Variants in HDAC9 observed in about 807,000 individuals in gnomAD.
The protein encoded by HDAC9 is MEF-2 interacting transcription repressor (MITR) protein.
In HDAC9, 41 loss-of-function variants were observed where a neutral mutation model predicts 139.4. The ratio of observed to expected loss-of-function variants is 0.29; its 90% CI spans 0.23 to 0.38. The LOEUF (loss-of-function observed/expected upper bound fraction) is 0.38, where lower values mean the gene tolerates loss of function less well. HDAC9 is among the 10% of genes least tolerant of loss of function. HDAC9 has a pLI of 1.00. For synonymous variants in HDAC9, 517 were observed against 476.2 expected, an observed-to-expected ratio of 1.09 and a Z score of -1.12; for missense variants, 1,147 against 1,297.0, an observed-to-expected ratio of 0.88 and a Z score of 1.78.
intron 1 of HDAC9, among the ~76,000 whole-genome samples, chr7:18,118,290 G>A (rs549259811): frequency 3.3e-5 from 5 of 152,278 alleles, no homozygotes; most frequent in Admixed American, 1.3e-4. Flanking sequence ...AATATTGTCA[G>A]TCCTTATGGT....
At chr7:18,537,753 C>T (rs1022805679) in intron 2 of HDAC9, among the ~76,000 whole-genome samples, 9 of 152,108 alleles carry the variant, frequency 5.9e-5, no homozygotes, top group Admixed American at 2.6e-4. Flanking sequence ...AAAAGTTATG[C>T]GGGAGAATAG....
chr7:18,864,605 C>T (rs1480780939), intron 21 of HDAC9, among the ~76,000 whole-genome samples: 1 of 129,948 alleles, frequency 7.7e-6, no homozygotes, highest in African/African-American at 3.1e-5. Context: ...AGGATTCTTA[C>T]CACAATTAAA....
chr7:18,855,873 T>G (rs1797637734), intron 21 of HDAC9, among the ~76,000 whole-genome samples: 1 of 152,114 alleles, frequency 6.6e-6, no homozygotes, highest in Non-Finnish European at 1.5e-5. Context: ...CTTCTTTTAC[T>G]TCTGTGCACC....
chr7:18,642,755 A>C (rs987052108), intron 8 of HDAC9, among the ~76,000 whole-genome samples: 2 of 152,080 alleles, frequency 1.3e-5, no homozygotes, highest in African/African-American at 2.4e-5. Context: ...TGCTGCCATT[A>C]TTACGTCTGA....
At chr7:18,255,610 C>CTT (rs2128202435) in intron 2 of HDAC9, among the ~76,000 whole-genome samples, 1 of 135,254 alleles carries the variant, frequency 7.4e-6, no homozygotes, top group East Asian at 2.2e-4. Flanking sequence ...GATGAGTTTT[C>CTT]TTTTCTTTTT....
intron 2 of HDAC9, among the ~76,000 whole-genome samples, chr7:18,279,880 G>T: frequency 6.6e-6 from 1 of 152,078 alleles, no homozygotes; most frequent in East Asian, 1.9e-4. Flanking sequence ...CTTTATTAAG[G>T]AATTATGATG....
chr7:18,239,089 T>A (rs749388414), intron 2 of HDAC9, among the ~76,000 whole-genome samples: 92 of 152,326 alleles, frequency 6.0e-4, no homozygotes, highest in Non-Finnish European at 1.1e-3. Flanking sequence ...GTCTAGTTTG[T>A]CACTATACTT....
At chr7:18,495,315 C>T (rs967277154), upstream of HDAC9, among the ~76,000 whole-genome samples, 2 of 152,072 alleles carry the variant, frequency 1.3e-5, no homozygotes, top group African/African-American at 4.8e-5. Flanking sequence ...CAATACAGAG[C>T]TCTGTACTTC....
chr7:18,575,149 C>A (rs568845498), intron 2 of HDAC9, among the ~76,000 whole-genome samples: 1 of 152,118 alleles, frequency 6.6e-6, no homozygotes, highest in Non-Finnish European at 1.5e-5. Flanking sequence ...TTTACTTTTC[C>A]TGAAAAAAGT....
At chr7:18,649,613 ATGT>A (rs1788612830) in intron 11 of HDAC9, among the ~76,000 whole-genome samples, 1 of 152,280 alleles carries the variant, frequency 6.6e-6, no homozygotes, top group Non-Finnish European at 1.5e-5. Context: ...TTGTACTATG[ATGT>A]AAGAAACAAA....
At chr7:18,972,984 A>T (rs991501064) in intron 24 of HDAC9, among the ~76,000 whole-genome samples, 2 of 152,136 alleles carry the variant, frequency 1.3e-5, no homozygotes, top group Non-Finnish European at 2.9e-5. Flanking sequence ...TTTATAATTG[A>T]GCTTTTTGGT....
chr7:18,912,309 A>G (rs1452495745), intron 22 of HDAC9, among the ~76,000 whole-genome samples: 2 of 152,126 alleles, frequency 1.3e-5, no homozygotes, highest in Admixed American at 6.6e-5. Context: ...GAAAATGAAC[A>G]TAAAAACCTT....
intron 22 of HDAC9, among the ~76,000 whole-genome samples, chr7:18,894,453 A>C (rs912832069): frequency 1.3e-5 from 2 of 152,106 alleles, no homozygotes; most frequent in African/African-American, 4.8e-5. Flanking sequence ...AGCTCTATCA[A>C]ATGTCCTTAA....
chr7:18,257,118 A>ATG (rs150400645), intron 2 of HDAC9, among the ~76,000 whole-genome samples: 34,717 of 94,984 alleles, frequency 0.37, 4,483 homozygotes, highest in South Asian at 0.48. Context: ...GTGTGCATGT[A>ATG]TGTGTGTGTG....
intron 2 of HDAC9, among the ~76,000 whole-genome samples, chr7:18,565,648 A>T (rs975146730): frequency 3.9e-5 from 6 of 152,162 alleles, no homozygotes; most frequent in African/African-American, 1.4e-4. Context: ...AAAAAAGAAA[A>T]AAAAGGGTGG....
At chr7:18,906,507 A>G (rs1184124115) in intron 22 of HDAC9, among the ~76,000 whole-genome samples, 1 of 152,200 alleles carries the variant, frequency 6.6e-6, no homozygotes, top group East Asian at 1.9e-4. Context: ...CTGCCAAGAA[A>G]CATTTTGAGT....
intron 1 of HDAC9, among the ~76,000 whole-genome samples, chr7:18,152,593 A>G (rs955406025): frequency 6.6e-6 from 1 of 152,092 alleles, no homozygotes; most frequent in African/African-American, 2.4e-5. Context: ...CTGCATCTGC[A>G]TTTTCTGAGG....
At chr7:18,778,190 C>A (rs375634473) in intron 16 of HDAC9, among the ~76,000 whole-genome samples, 2 of 151,602 alleles carry the variant, frequency 1.3e-5, no homozygotes, top group Admixed American at 1.3e-4. Flanking sequence ...TAGCCCTAGC[C>A]GTAAGAAAAA....
Position 18,767,093 on chromosome 7 carries a change from T to G in HDAC9, c.2165-13T>G. ...CCATTTATCTATATTTTTTATGTCT[T>G]CTTACTGTATAGGTGATGACTCTCA... On this transcript the variant is annotated splice_polypyrimidine_tract_variant and intron_variant, in intron 15 of 25. Coordinates refer to ENST00000686413, the MANE Select transcript of HDAC9 (RefSeq NM_178425.4). 7.1e-7 allele frequency: 1 copy of G among 1,413,016 alleles called. No homozygotes were observed. Among genetic ancestry groups the G allele is most frequent in the Non-Finnish European group, 9.6e-7 (1 of 1,038,730 alleles). The allele number at this position is 1,413,016 out of a possible 1,614,324, so 87.5% of individuals were successfully genotyped here.
Sources: gnomAD v4.1 joint callset for allele counts (sites outside exome capture counted in the v4.1 genomes callset) on GRCh38, gnomAD v4.1.1 for gene constraint, MANE v1.5 for transcripts, NCBI Gene and HGNC (gene_info 2026-07-23, HGNC 2026-07-21) for gene names.